Variants in MTUS2 observed in about 807,000 individuals in gnomAD.
MTUS2 encodes microtubule-associated tumor suppressor candidate 2.
In MTUS2, 40 loss-of-function variants were observed where a neutral mutation model predicts 114.1. The observed-to-expected ratio is 0.35, with a 90% CI of 0.27 to 0.46. MTUS2 has a LOEUF of 0.46. Ranked by LOEUF, MTUS2 falls within the 20% of genes least tolerant of loss-of-function variation. The pLI, the probability that MTUS2 is intolerant of heterozygous loss-of-function variation, is 1.00. For synonymous variants in MTUS2, 688 were observed against 672.0 expected, an observed-to-expected ratio of 1.02 and a Z score of -0.37; for missense variants, 1,679 against 1,705.4, an observed-to-expected ratio of 0.98 and a Z score of 0.27.
At chr13:29,046,358 G>A (rs7318626) in intron 4 of MTUS2, among the ~76,000 whole-genome samples, 143,075 of 152,212 alleles carry the variant, frequency 0.94, 67,515 homozygotes, top group Non-Finnish European at 0.98. Context: ...TCAAGCTGTT[G>A]TCCTGCCTTG....
intron 5 of MTUS2, among the ~76,000 whole-genome samples, chr13:29,235,061 A>T (rs931549759): frequency 6.6e-6 from 1 of 151,972 alleles, no homozygotes; most frequent in African/African-American, 2.4e-5. Flanking sequence ...TCTGCAAGTA[A>T]TGGTAATTTT....
chr13:29,396,258 C>G (rs1479336714), intron 8 of MTUS2, among the ~76,000 whole-genome samples: 1 of 152,160 alleles, frequency 6.6e-6, no homozygotes, highest in Non-Finnish European at 1.5e-5. Flanking sequence ...AGCACCAACA[C>G]ACTGAACATA....
At chr13:29,343,200 T>TTGTC (rs34898000) in intron 7 of MTUS2, among the ~76,000 whole-genome samples, 110,097 of 151,474 alleles carry the variant, frequency 0.73, 44,040 homozygotes, top group East Asian at 0.9. Context: ...GATTCCCTCT[T>TTGTC]TGTCTTTTGA....
intron 1 of MTUS2, among the ~76,000 whole-genome samples, chr13:28,836,591 G>C (rs1875103442): frequency 6.6e-6 from 1 of 152,178 alleles, no homozygotes; most frequent in Non-Finnish European, 1.5e-5. Context: ...AGTTCTATCT[G>C]GGAAAGAGTT....
intron 2 of MTUS2, among the ~76,000 whole-genome samples, chr13:29,004,983 G>A (rs112019348): frequency 2.2e-3 from 335 of 152,276 alleles, no homozygotes; most frequent in African/African-American, 7.7e-3. Context: ...AGTAAAGGAG[G>A]ACTTCAGGGC....
intron 2 of MTUS2, among the ~76,000 whole-genome samples, chr13:29,017,553 GTAT>G (rs1429427272): frequency 1.3e-5 from 2 of 152,130 alleles, no homozygotes; most frequent in Non-Finnish European, 1.5e-5. Flanking sequence ...TCAAAGTAAA[GTAT>G]TATGACAAAT....
chr13:29,080,345 G>C (rs535461930), intron 4 of MTUS2, among the ~76,000 whole-genome samples: 2 of 152,168 alleles, frequency 1.3e-5, no homozygotes, highest in African/African-American at 4.8e-5. Flanking sequence ...ACATTAATTG[G>C]AACTTTAGCA....
intron 4 of MTUS2, among the ~76,000 whole-genome samples, chr13:29,089,606 G>A (rs1036357688): frequency 3.9e-5 from 6 of 152,022 alleles, no homozygotes; most frequent in Non-Finnish European, 8.8e-5. Context: ...TCATAGGTTT[G>A]GTCTCTTTAG....
At chr13:28,831,998 A>G (rs1023190633) in intron 1 of MTUS2, among the ~76,000 whole-genome samples, 2 of 152,006 alleles carry the variant, frequency 1.3e-5, no homozygotes, top group Non-Finnish European at 2.9e-5. Flanking sequence ...TTCTGAACTC[A>G]GGTGATCTGC....
chr13:29,078,415 C>T (rs1325457867), intron 4 of MTUS2, among the ~76,000 whole-genome samples: 1 of 152,190 alleles, frequency 6.6e-6, no homozygotes. Flanking sequence ...ATTGGGAAAA[C>T]AGCCATAGCT....
chr13:28,955,210 G>A (rs117897934), intron 2 of MTUS2, among the ~76,000 whole-genome samples: 209 of 152,246 alleles, frequency 1.4e-3, no homozygotes, highest in African/African-American at 4.7e-3. Context: ...AGTAATACCA[G>A]CCTGACATTG....
chr13:29,007,742 C>A (rs1396399983), intron 2 of MTUS2, among the ~76,000 whole-genome samples: 4 of 152,122 alleles, frequency 2.6e-5, no homozygotes, highest in African/African-American at 9.7e-5. Context: ...TTCTTAATAA[C>A]ATTTTCTTTC....
chr13:29,238,686 C>A (rs1017796442), intron 5 of MTUS2, among the ~76,000 whole-genome samples: 1 of 152,180 alleles, frequency 6.6e-6, no homozygotes, highest in African/African-American at 2.4e-5. Flanking sequence ...GTGGATCTGC[C>A]TCTCCTAGTC....
intron 2 of MTUS2, among the ~76,000 whole-genome samples, chr13:28,877,868 C>T (rs528313371): frequency 1.3e-5 from 2 of 152,258 alleles, no homozygotes; most frequent in South Asian, 4.1e-4. Flanking sequence ...TTAGCTGATT[C>T]TCTATGCTGG....
intron 2 of MTUS2, among the ~76,000 whole-genome samples, chr13:28,910,109 A>G (rs1416632220): frequency 6.6e-6 from 1 of 152,120 alleles, no homozygotes; most frequent in Non-Finnish European, 1.5e-5. Flanking sequence ...TGTGCTATCA[A>G]ATACTAGGTC....
At chr13:29,142,977 TAACA>T (rs1488763322) in intron 5 of MTUS2, among the ~76,000 whole-genome samples, 1 of 152,138 alleles carries the variant, frequency 6.6e-6, no homozygotes. Flanking sequence ...GGTTATGAAA[TAACA>T]AACAAAAACC....
chr13:29,150,648 C>A (rs1892627017), intron 5 of MTUS2, among the ~76,000 whole-genome samples: 1 of 152,142 alleles, frequency 6.6e-6, no homozygotes, highest in South Asian at 2.1e-4. Flanking sequence ...CCTAGGTTTT[C>A]TTCTAAGATT....
intron 2 of MTUS2, among the ~76,000 whole-genome samples, chr13:29,003,907 C>T (rs1167905451): frequency 6.6e-6 from 1 of 152,186 alleles, no homozygotes; most frequent in African/African-American, 2.4e-5. Flanking sequence ...GTCTCACCAT[C>T]ATCATAGTCT....
intron 5 of MTUS2, among the ~76,000 whole-genome samples, chr13:29,218,991 C>CT (rs1193914422): frequency 2.8e-5 from 4 of 143,884 alleles, no homozygotes; most frequent in African/African-American, 1.0e-4. Flanking sequence ...TTTTATTATA[C>CT]TTTAAGTTTT....
Sources: allele counts gnomAD v4.1 joint callset (sites outside exome capture counted in the v4.1 genomes callset), GRCh38; gene constraint gnomAD v4.1.1; transcripts MANE v1.5; gene names NCBI Gene and HGNC (gene_info 2026-07-23, HGNC 2026-07-21).